SLC8A1: variants seen among roughly 807,000 people sequenced by gnomAD.
SLC8A1 encodes solute carrier family 8 member A1, also known as sodium/calcium exchanger 1.
Under a neutral mutation model 68.3 loss-of-function variants are expected in SLC8A1, and 18 were observed. The ratio of observed to expected loss-of-function variants is 0.26; its 90% CI spans 0.18 to 0.39. SLC8A1 has a LOEUF of 0.39. SLC8A1 is among the 10% of genes least tolerant of loss of function. SLC8A1 has a pLI of 1.00. For missense variants in SLC8A1, 985 were observed against 1,156.7 expected (o/e 0.85, Z 2.15); for synonymous variants, 475 against 415.5 (o/e 1.14, Z -1.74).
chr2:40,192,599 A>G (rs535792985), intron 2 of SLC8A1, among the ~76,000 whole-genome samples: 6 of 152,282 alleles, frequency 3.9e-5, no homozygotes, highest in Admixed American at 6.5e-5. Flanking sequence ...GTCTATGTAT[A>G]ATGAATAAAT....
At chr2:40,181,405 G>T (rs552171825) in intron 2 of SLC8A1, among the ~76,000 whole-genome samples, 1 of 152,230 alleles carries the variant, frequency 6.6e-6, no homozygotes, top group South Asian at 2.1e-4. Context: ...AAATTTTGAA[G>T]TACTTGATAA....
At chr2:40,384,120 A>G (rs1369555711) in intron 2 of SLC8A1, among the ~76,000 whole-genome samples, 1 of 151,780 alleles carries the variant, frequency 6.6e-6, no homozygotes, top group Non-Finnish European at 1.5e-5. Context: ...TAACAGTTAG[A>G]CATGGTGGGC....
chr2:40,143,688 C>T (rs974368142), intron 6 of SLC8A1, among the ~76,000 whole-genome samples: 2 of 152,134 alleles, frequency 1.3e-5, no homozygotes, highest in Admixed American at 6.5e-5. Flanking sequence ...AGTACTTGGA[C>T]CGTTCCTGCT....
At chr2:40,382,139 AG>A (rs1267616403) in intron 2 of SLC8A1, among the ~76,000 whole-genome samples, 9 of 152,146 alleles carry the variant, frequency 5.9e-5, no homozygotes, top group African/African-American at 2.2e-4. Flanking sequence ...TATTGTAATT[AG>A]TTTAATTATT....
intron 4 of SLC8A1, among the ~76,000 whole-genome samples, chr2:40,166,053 C>G (rs2046495199): frequency 6.6e-6 from 1 of 152,182 alleles, no homozygotes; most frequent in Non-Finnish European, 1.5e-5. Flanking sequence ...CAAAGTGCCT[C>G]CAACAGGGGG....
chr2:40,433,033 G>A (rs1435465588), intron 1 of SLC8A1, among the ~76,000 whole-genome samples: 2 of 152,136 alleles, frequency 1.3e-5, no homozygotes, highest in Non-Finnish European at 2.9e-5. Flanking sequence ...ACTGAAGGGA[G>A]ATTCAAACCT....
chr2:40,433,500 T>C (rs1698785470), intron 1 of SLC8A1, among the ~76,000 whole-genome samples: 1 of 152,182 alleles, frequency 6.6e-6, no homozygotes, highest in African/African-American at 2.4e-5. Flanking sequence ...ATATTTAATA[T>C]TTCCATTAGC....
At chr2:40,422,105 C>G (rs994834726) in intron 2 of SLC8A1, among the ~76,000 whole-genome samples, 7 of 152,016 alleles carry the variant, frequency 4.6e-5, no homozygotes, top group African/African-American at 1.7e-4. Flanking sequence ...AAGGCAGTTA[C>G]GAAGATTATC....
chr2:40,248,159 G>C (rs952275682), intron 2 of SLC8A1, among the ~76,000 whole-genome samples: 5 of 152,140 alleles, frequency 3.3e-5, no homozygotes, highest in African/African-American at 1.2e-4. Flanking sequence ...GATATGTTAA[G>C]AGGCCTGAAT....
exon 8 of SLC8A1, chr2:40,113,873 T>C (rs1020052929): frequency 6.5e-6 from 1 of 152,802 alleles, no homozygotes; most frequent in East Asian, 1.9e-4. Context: ...TAATTTTCCA[T>C]GAAGATCTTT....
At chr2:40,327,210 T>C (rs1223626970) in intron 2 of SLC8A1, among the ~76,000 whole-genome samples, 3 of 152,236 alleles carry the variant, frequency 2.0e-5, no homozygotes, top group Non-Finnish European at 4.4e-5. Context: ...GATAATTACA[T>C]TTCTAATTTG....
intron 2 of SLC8A1, among the ~76,000 whole-genome samples, chr2:40,294,496 C>T (rs1445241776): frequency 1.3e-5 from 2 of 151,976 alleles, no homozygotes; most frequent in Admixed American, 1.3e-4. Flanking sequence ...ACTGATAAAA[C>T]ACCTAGGGCA....
At chr2:40,268,294 A>T (rs1016650041) in intron 2 of SLC8A1, among the ~76,000 whole-genome samples, 69 of 152,234 alleles carry the variant, frequency 4.5e-4, no homozygotes, top group African/African-American at 1.6e-3. Context: ...ATACTCACTA[A>T]AGTGAAATTC....
chr2:40,459,611 C>T (rs1703225354), intron 1 of SLC8A1, among the ~76,000 whole-genome samples: 1 of 152,208 alleles, frequency 6.6e-6, no homozygotes, highest in South Asian at 2.1e-4. Context: ...ACAGTTGACA[C>T]AAGAATTCTG....
rs1400660872 is a variant in SLC8A1, at chr2:40,117,398, A to G, written c.2438-1769T>C. Among the ~76,000 whole-genome samples the G allele has an allele frequency of 4.9e-3, 700 of 142,996 alleles. 20 individuals are homozygous for G. Among genetic ancestry groups the G allele is most frequent in the East Asian group, 0.043 (195 of 4,548 alleles). 93.8% of individuals were successfully genotyped at this position (142,996 alleles called of 152,430 possible). On this transcript the variant is annotated intron_variant, in intron 7 of 7. Coordinates refer to ENST00000406785, the Ensembl canonical transcript of SLC8A1. ...TGTCTATATACTAAAAATACAAAAA[A>G]AAAAAAAAAAAAAAAAAAAAGCCAG...
intron 2 of SLC8A1, among the ~76,000 whole-genome samples, chr2:40,283,547 T>C (rs1201432415): frequency 5.9e-5 from 9 of 152,222 alleles, no homozygotes; most frequent in African/African-American, 2.2e-4. Flanking sequence ...TACCCAGCAC[T>C]GTTTTTGTGA....
chr2:40,493,709 C>A (rs1159060640), intron 1 of SLC8A1, among the ~76,000 whole-genome samples: 2 of 147,838 alleles, frequency 1.4e-5, no homozygotes, highest in Non-Finnish European at 3.0e-5. Context: ...GGCTGGAGTG[C>A]AGTGGCACGA....
At chr2:40,194,500 T>TGC (rs2052555874) in intron 2 of SLC8A1, among the ~76,000 whole-genome samples, 1 of 146,120 alleles carries the variant, frequency 6.8e-6, no homozygotes, top group African/African-American at 2.6e-5. Flanking sequence ...TGTGTGTGTG[T>TGC]GTGTGTGCGC....
At chr2:40,264,269 A>G (rs1177612302) in intron 2 of SLC8A1, among the ~76,000 whole-genome samples, 1 of 151,988 alleles carries the variant, frequency 6.6e-6, no homozygotes, top group South Asian at 2.1e-4. Context: ...AAACTAGTTC[A>G]ACCATTGTGG....
Sources: allele counts gnomAD v4.1 joint callset (sites outside exome capture counted in the v4.1 genomes callset), GRCh38; gene constraint gnomAD v4.1.1; transcripts MANE v1.5; gene names NCBI Gene and HGNC (gene_info 2026-07-23, HGNC 2026-07-21).